Variants in FBXW11 observed in about 807,000 individuals in gnomAD.
FBXW11 encodes F-box/WD repeat-containing protein 11.
Under a neutral mutation model 77.6 loss-of-function variants are expected in FBXW11, and 19 were observed. That is an observed-to-expected ratio of 0.24 (90% CI 0.17 to 0.36). The LOEUF (loss-of-function observed/expected upper bound fraction) is 0.36. FBXW11 is among the 10% of genes least tolerant of loss of function. The pLI is 1.00. For missense variants in FBXW11, 334 were observed against 704.2 expected (o/e 0.47, Z 5.95); for synonymous variants, 235 against 249.4 (o/e 0.94, Z 0.54).
chr5:171,884,767 G>A (rs1321170204), intron 7 of FBXW11, among the ~76,000 whole-genome samples: 8 of 152,150 alleles, frequency 5.3e-5, no homozygotes, highest in African/African-American at 1.7e-4. Context: ...GCAGTGTTTT[G>A]TAGTTTTCCT....
At chr5:171,985,425 G>C (rs1000432108) in intron 1 of FBXW11, among the ~76,000 whole-genome samples, 1 of 151,962 alleles carries the variant, frequency 6.6e-6, no homozygotes, top group Non-Finnish European at 1.5e-5. Context: ...AGGAGTTTGA[G>C]ACCAGCCTGG....
At chr5:171,936,741 A>G (rs1762503196) in intron 2 of FBXW11, among the ~76,000 whole-genome samples, 1 of 152,188 alleles carries the variant, frequency 6.6e-6, no homozygotes, top group Non-Finnish European at 1.5e-5. Flanking sequence ...TCAGTAAGGC[A>G]GGCAGGTCTT....
intron 2 of FBXW11, among the ~76,000 whole-genome samples, chr5:171,926,234 C>T (rs991813965): frequency 2.0e-5 from 3 of 152,206 alleles, no homozygotes; most frequent in African/African-American, 7.2e-5. Context: ...GAAACTCTTA[C>T]TGAAAGGTCC....
At position 171,966,809 on chromosome 5, in the gene FBXW11, T is replaced by A. The variant is rs561337119; in HGVS notation, c.46-9111A>T. ...TTTTCAATAAAAATGTTAAATGACA[T>A]GAAAATTAACAAAGAAGGATAAATT... On this transcript the variant is annotated intron_variant, in intron 1 of 13. Transcript: ENST00000517395. Among the ~76,000 whole-genome samples the A allele has an allele frequency of 3.3e-5, 5 of 152,248 alleles. No homozygotes were observed. The East Asian group carries it at 9.6e-4, about 29-fold the overall frequency.
chr5:171,925,204 A>G (rs1761826410), intron 2 of FBXW11, among the ~76,000 whole-genome samples: 1 of 152,196 alleles, frequency 6.6e-6, no homozygotes, highest in Non-Finnish European at 1.5e-5. Context: ...CACTAGGTAT[A>G]AACATAAATT....
chr5:171,958,309 T>C (rs1381697745), intron 1 of FBXW11, among the ~76,000 whole-genome samples: 1 of 152,188 alleles, frequency 6.6e-6, no homozygotes, highest in Non-Finnish European at 1.5e-5. Flanking sequence ...TTGTGAAAAC[T>C]TATATCACCC....
intron 1 of FBXW11, among the ~76,000 whole-genome samples, chr5:171,972,180 C>T (rs958850000): frequency 7.2e-6 from 1 of 139,442 alleles, no homozygotes; most frequent in Admixed American, 7.4e-5. Context: ...TGCAGTTAGC[C>T]GAAACTGTTA....
intron 2 of FBXW11, among the ~76,000 whole-genome samples, chr5:171,919,969 A>G (rs747092729): frequency 3.3e-5 from 5 of 152,140 alleles, no homozygotes; most frequent in African/African-American, 4.8e-5. Flanking sequence ...CATCCTGGCC[A>G]ACATGGTGAA....
chr5:171,983,892 C>T (rs1581074327), intron 1 of FBXW11, among the ~76,000 whole-genome samples: 1 of 151,824 alleles, frequency 6.6e-6, no homozygotes, highest in Non-Finnish European at 1.5e-5. Flanking sequence ...CTCACGTATT[C>T]ATCAATAACA....
chr5:171,938,114 G>A (rs1762569327), intron 2 of FBXW11, among the ~76,000 whole-genome samples: 1 of 152,248 alleles, frequency 6.6e-6, no homozygotes, highest in African/African-American at 2.4e-5. Context: ...CTGAAGTGCA[G>A]TGGCACGATC....
chr5:171,974,751 T>C (rs759247568), intron 1 of FBXW11, among the ~76,000 whole-genome samples: 7 of 152,222 alleles, frequency 4.6e-5, no homozygotes, highest in Non-Finnish European at 8.8e-5. Flanking sequence ...GAGAGAGATA[T>C]CATTGTCAAA....
intron 4 of FBXW11, among the ~76,000 whole-genome samples, chr5:171,907,635 A>G (rs1411859242): frequency 6.6e-6 from 1 of 152,218 alleles, no homozygotes; most frequent in African/African-American, 2.4e-5. Flanking sequence ...GTCCTGTTAA[A>G]ACAAATAGCA....
intron 1 of FBXW11, among the ~76,000 whole-genome samples, chr5:171,973,644 G>A (rs563830908): frequency 1.1e-3 from 161 of 152,264 alleles, no homozygotes; most frequent in African/African-American, 3.8e-3. Flanking sequence ...AAAAACTAAG[G>A]AAATCTGAAT....
intron 2 of FBXW11, among the ~76,000 whole-genome samples, chr5:171,954,496 C>G (rs1763515466): frequency 1.3e-5 from 2 of 152,138 alleles, no homozygotes; most frequent in Non-Finnish European, 2.9e-5. Flanking sequence ...TCTCATGCCA[C>G]AGGAATCTGG....
intron 2 of FBXW11, among the ~76,000 whole-genome samples, chr5:171,940,280 A>G (rs943493702): frequency 5.3e-5 from 8 of 152,242 alleles, no homozygotes; most frequent in African/African-American, 1.9e-4. Flanking sequence ...GTGAGACTAG[A>G]CTAGAATTGG....
chr5:171,909,739 G>A (rs950694019), intron 4 of FBXW11, among the ~76,000 whole-genome samples: 21 of 152,300 alleles, frequency 1.4e-4, no homozygotes, highest in African/African-American at 5.1e-4. Context: ...ACACCTATGT[G>A]TGTATGAGAC....
At chr5:171,990,708 A>G (rs1431033831) in intron 1 of FBXW11, among the ~76,000 whole-genome samples, 1 of 152,218 alleles carries the variant, frequency 6.6e-6, no homozygotes, top group Non-Finnish European at 1.5e-5. Context: ...TAACTGAGTC[A>G]TATTTTACTT....
At chr5:171,906,817 C>A (rs888671140) in intron 4 of FBXW11, among the ~76,000 whole-genome samples, 1 of 152,180 alleles carries the variant, frequency 6.6e-6, no homozygotes, top group African/African-American at 2.4e-5. Flanking sequence ...GCCGTGTACC[C>A]ATCCTAAAGC....
At chr5:171,910,396 A>G (rs377429469) in intron 4 of FBXW11, among the ~76,000 whole-genome samples, 176 bp downstream of exon 4, 4 of 152,258 alleles carry the variant, frequency 2.6e-5, no homozygotes, top group South Asian at 4.1e-4. Flanking sequence ...GATACTGCCT[A>G]TATTTCCTAG....
Sources: gnomAD v4.1 joint callset for allele counts (sites outside exome capture counted in the v4.1 genomes callset) on GRCh38, gnomAD v4.1.1 for gene constraint, MANE v1.5 for transcripts, NCBI Gene and HGNC (gene_info 2026-07-23, HGNC 2026-07-21) for gene names.